ABR: variants seen among roughly 807,000 people sequenced by gnomAD.
ABR encodes the protein ABR activator of RhoGEF and GTPase.
A neutral mutation model predicts 107.2 loss-of-function variants in ABR; 35 were observed. The observed-to-expected ratio is 0.33, with a 90% CI of 0.25 to 0.43. ABR has a LOEUF of 0.43. Among genes scored for constraint, ABR ranks in the 20% least tolerant of loss-of-function variants. The pLI is 1.00. For missense variants in ABR, 815 were observed against 1,115.2 expected (o/e 0.73, Z 3.83); for synonymous variants, 498 against 462.0 (o/e 1.08, Z -1.00).
rs1290668268 is a variant in ABR at position 1,050,452 on chromosome 17, A to C, written c.1659+85T>G. On this transcript the variant is annotated intron_variant, in intron 15 of 22. Transcript: ENST00000302538. This position sits in a 1 kb window ranked among gnomAD's most constrained non-coding sequence, Gnocchi z 4.6. The stretch of plus-strand genomic sequence containing the variant: ...GGGGGGTGCAGACATAGCTGGTCCA[A>C]CCAATGGGCTGGCCGTCCCCAGCAG... The C allele has an allele frequency of 3.1e-6, 4 of 1,311,368 alleles. No homozygotes were observed. Among genetic ancestry groups the C allele is most frequent in the Non-Finnish European group, 4.4e-6 (4 of 906,656 alleles). The allele number at this position is 1,311,368 out of a possible 1,614,324, so 81.2% of individuals were successfully genotyped here.
intron 1 of ABR, among the ~76,000 whole-genome samples, chr17:1,196,429 C>T (rs2042567112): frequency 6.6e-6 from 1 of 151,932 alleles, no homozygotes; most frequent in African/African-American, 2.4e-5. Flanking sequence ...AAAACTCTGG[C>T]CCAAAAAACA....
At chr17:1,076,335 G>A (rs1215802074) in intron 6 of ABR, among the ~76,000 whole-genome samples, 2 of 152,180 alleles carry the variant, frequency 1.3e-5, no homozygotes, top group African/African-American at 4.8e-5. Context: ...GGCACTGAGG[G>A]TGCAGCCCAG....
Position 1,010,969 on chromosome 17 carries a change from G to A in ABR, c.2102-106C>T. On this transcript the variant is annotated intron_variant, in intron 19 of 22. Coordinates refer to ENST00000302538, the MANE Select transcript of ABR (RefSeq NM_021962.5). The surrounding 1 kb of genome is among the most constrained non-coding windows in gnomAD (Gnocchi z 4.1). ...CCCACCCACTCCAGCTCTGGTTCTGGTCTCCCCTGGAAGAGCAGGATGTAG... is the reference window on the plus strand; with the variant it reads ...CCCACCCACTCCAGCTCTGGTTCTGATCTCCCCTGGAAGAGCAGGATGTAG... 1 of 1,461,780 alleles carries A rather than the reference G, an allele frequency of 6.8e-7. No individual in the cohort carries two copies. The highest frequency in any genetic ancestry group is 1.2e-5 in the South Asian group (1 of 80,796). The allele number at this position is 1,461,780 out of a possible 1,614,324, so 90.6% of individuals were successfully genotyped here.
Position 1,150,885 on chromosome 17 carries a change from C to T in ABR, c.62-25518G>A, listed in dbSNP as rs1015424679. On this transcript the variant is annotated intron_variant, in intron 1 of 22. Coordinates refer to ENST00000302538, the MANE Select transcript of ABR (RefSeq NM_021962.5). The surrounding 1 kb of genome is among the most constrained non-coding windows in gnomAD (Gnocchi z 4.8). ...TCCCTCCCTTGCTGAGCTACTGGTG[C>T]GCGTATGTGTGCATATATATACACA... Among the ~76,000 whole-genome samples, 5 of 152,132 alleles carry T rather than the reference C, an allele frequency of 3.3e-5. No individual in the cohort carries two copies. The highest frequency in any genetic ancestry group is 1.2e-4 in the African/African-American group (5 of 41,426).
At chr17:1,030,261 T>C (rs1336344420) in intron 16 of ABR, among the ~76,000 whole-genome samples, 2 of 152,218 alleles carry the variant, frequency 1.3e-5, no homozygotes, top group Non-Finnish European at 2.9e-5. Flanking sequence ...ACCAGGCACC[T>C]CCTCAAAGGG....
At chr17:1,188,373 A>C (rs1021830207), upstream of ABR, among the ~76,000 whole-genome samples, 3 of 151,468 alleles carry the variant, frequency 2.0e-5, no homozygotes, top group East Asian at 5.8e-4. Flanking sequence ...ACACGGTGAA[A>C]CTCCGTCTCT....
intron 16 of ABR, among the ~76,000 whole-genome samples, chr17:1,038,839 A>G (rs1049645908): frequency 6.6e-6 from 1 of 152,232 alleles, no homozygotes. Flanking sequence ...CTTCTCTTGA[A>G]GCTTTCAGAA....
chr17:1,221,662 G>A (rs2150760792), intron 1 of ABR, among the ~76,000 whole-genome samples: 1 of 152,298 alleles, frequency 6.6e-6, no homozygotes, highest in Non-Finnish European at 1.5e-5. Flanking sequence ...GCTGGTTTGG[G>A]GAAGTCAAGG....
At chr17:1,116,285 T>A (rs2038981517) in intron 2 of ABR, among the ~76,000 whole-genome samples, 1 of 91,522 alleles carries the variant, frequency 1.1e-5, no homozygotes, top group Non-Finnish European at 2.3e-5. Context: ...ACAACACTGT[T>A]TATACAGTGA....
intron 16 of ABR, among the ~76,000 whole-genome samples, chr17:1,014,989 C>A (rs2071028510): frequency 1.3e-5 from 2 of 152,226 alleles, no homozygotes; most frequent in South Asian, 4.1e-4. Context: ...ATTTTCAAGT[C>A]CTTTATTCAC....
At chr17:1,017,022 G>A (rs954538905) in intron 16 of ABR, among the ~76,000 whole-genome samples, 18 of 151,936 alleles carry the variant, frequency 1.2e-4, no homozygotes, top group African/African-American at 3.9e-4. Flanking sequence ...CCTCCGACGG[G>A]GTCTGGGTCT....
rs371379523 is a variant in ABR at position 1,006,056 on chromosome 17, C to T, written c.*24G>A. On this transcript the variant is annotated 3_prime_UTR_variant, in exon 23 of 23. Transcript: ENST00000302538. Reference sequence around the variant, plus strand: ...GGCTGGAGGGGCTGGTTCCACCACCCGCCCGCAGCCACCCTGCCTCGGGCT... The same window carrying T: ...GGCTGGAGGGGCTGGTTCCACCACCTGCCCGCAGCCACCCTGCCTCGGGCT... 7.6e-5 allele frequency: 118 copies of T among 1,544,650 alleles called. No individual in the cohort carries two copies. Among genetic ancestry groups the T allele is most frequent in the South Asian group, 1.7e-4 (14 of 84,050 alleles).
chr17:1,218,228 A>G (rs74520265), intron 1 of ABR, among the ~76,000 whole-genome samples: 7,223 of 152,326 alleles, frequency 0.047, 234 homozygotes, highest in East Asian at 0.13. Context: ...AAAGAAAATA[A>G]GCTTATAGAC....
upstream of ABR, among the ~76,000 whole-genome samples, chr17:1,180,445 C>G (rs1334923993): frequency 1.3e-5 from 2 of 152,304 alleles, no homozygotes; most frequent in African/African-American, 2.4e-5. Context: ...AACCTTCCCC[C>G]GCTCGTCCCT....
At chr17:1,203,309 TG>T (rs141996333) in intron 1 of ABR, among the ~76,000 whole-genome samples, 4,086 of 58,120 alleles carry the variant, frequency 0.07, 192 homozygotes, top group African/African-American at 0.19. Context: ...GCCCGGCTCG[TG>T]GGGGCGGAGT....
chr17:1,018,174 C>T (rs1006618777), intron 16 of ABR, among the ~76,000 whole-genome samples: 1 of 152,098 alleles, frequency 6.6e-6, no homozygotes, highest in South Asian at 2.1e-4. Flanking sequence ...TCCTGAGTAG[C>T]TGGGACTACA....
intron 9 of ABR, among the ~76,000 whole-genome samples, 198 bp downstream of exon 9, chr17:1,069,771 C>T (rs2035062959): frequency 6.7e-6 from 1 of 148,426 alleles, no homozygotes; most frequent in Non-Finnish European, 1.5e-5. Flanking sequence ...ACTCACCCCG[C>T]AGAGGTCAGG....
intron 1 of ABR, among the ~76,000 whole-genome samples, chr17:1,193,308 C>T (rs561360367): frequency 1.8e-4 from 27 of 152,026 alleles, no homozygotes; most frequent in Non-Finnish European, 3.2e-4. Context: ...AGGACTCCCC[C>T]GCTCTCCCGG....
At position 1,197,027 on chromosome 17, in the gene ABR, G is replaced by T. The variant is rs147928867; in HGVS notation, c.838+31766C>A. On this transcript the variant is annotated intron_variant, in intron 1 of 22. Transcript: ENST00000574139. The stretch of plus-strand genomic sequence containing the variant: ...CCTTCCTAAGGAAGGACCCTGTGCT[G>T]CTCAGAAACCTTCCCAAATGCTCCG... Among the ~76,000 whole-genome samples, 1,514 of 151,674 alleles carry T rather than the reference G, an allele frequency of 1.0e-2. 21 individuals are homozygous for T. Among genetic ancestry groups the T allele is most frequent in the South Asian group, 0.03 (145 of 4,816 alleles).
Sources: gnomAD v4.1 joint callset for allele counts (sites outside exome capture counted in the v4.1 genomes callset) on GRCh38, gnomAD v4.1.1 for gene constraint, Gnocchi (gnomAD v3.1) non-coding constraint, MANE v1.5 for transcripts, NCBI Gene and HGNC (gene_info 2026-07-23, HGNC 2026-07-21) for gene names.